The following NUP88 variants were observed in gnomAD, a reference collection of about 807,000 sequenced individuals.
NUP88 encodes the protein nuclear pore complex protein Nup88.
Under a neutral mutation model 93.9 loss-of-function variants are expected in NUP88, and 57 were observed. The ratio of observed to expected loss-of-function variants is 0.61; its 90% CI spans 0.49 to 0.76. The LOEUF is 0.76. Ranked by LOEUF, NUP88 falls within the 30% of genes least tolerant of loss-of-function variation. NUP88 has a pLI of 0.00. For missense variants in NUP88, 911 were observed against 901.0 expected (o/e 1.01, Z -0.14); for synonymous variants, 346 against 336.8 (o/e 1.03, Z -0.30).
At chr17:5,401,499 C>T (rs141622504) in intron 7 of NUP88, among the ~76,000 whole-genome samples, 77 of 152,218 alleles carry the variant, frequency 5.1e-4, no homozygotes, top group African/African-American at 1.6e-3. Flanking sequence ...TTAAATTTTC[C>T]TTTAATCTAA....
In NUP88 at chr17:5,414,028, T is replaced by C. The variant is rs765856218; in HGVS notation, c.574A>G (p.Thr192Ala). The C allele has an allele frequency of 1.6e-5, 26 of 1,613,734 alleles. No homozygotes were observed. The highest frequency in any genetic ancestry group is 1.9e-5 in the Non-Finnish European group (23 of 1,179,784). The change falls in exon 3 of 17, where the codon ACA (threonine) becomes GCA (alanine). Residue 192 changes from threonine to alanine, a missense_variant. Coordinates refer to ENST00000573584, the MANE Select transcript of NUP88 (RefSeq NM_002532.6). ...ATTTACCTGATTACGTTGTCTGATG[T>C]TAACAGCACTACGTGGGGATCCAGG... ...EILDPHVVLL[T>A]SDNVIRIYSL... is the part of the protein sequence containing the mutation.
chr17:5,414,680 A>G (rs1164996287), intron 2 of NUP88, among the ~76,000 whole-genome samples: 1 of 152,062 alleles, frequency 6.6e-6, no homozygotes, highest in Non-Finnish European at 1.5e-5. Context: ...GCACTTTGGG[A>G]GGCCAAGGCA....
At chr17:5,407,911 G>A (rs1184814713) in intron 5 of NUP88, among the ~76,000 whole-genome samples, 1 of 152,022 alleles carries the variant, frequency 6.6e-6, no homozygotes, top group Non-Finnish European at 1.5e-5. Context: ...TTCTTTAAAA[G>A]TCTCTGTCCC....
At chr17:5,398,079 G>C (rs570893615) in intron 8 of NUP88, among the ~76,000 whole-genome samples, 1 of 150,890 alleles carries the variant, frequency 6.6e-6, no homozygotes. Flanking sequence ...GCTAATTTTT[G>C]TATTTTTTTT....
intron 9 of NUP88, among the ~76,000 whole-genome samples, chr17:5,393,098 G>A (rs1044210351): frequency 6.7e-6 from 1 of 148,798 alleles, no homozygotes; most frequent in Non-Finnish European, 1.5e-5. Flanking sequence ...GATTACAGGT[G>A]CCCGCCACTA....
At chr17:5,397,168 C>G (rs527239435) in intron 8 of NUP88, among the ~76,000 whole-genome samples, 1 of 151,970 alleles carries the variant, frequency 6.6e-6, no homozygotes, top group Non-Finnish European at 1.5e-5. Flanking sequence ...GGTAAAACCC[C>G]ATCTCTACAA....
intron 5 of NUP88, among the ~76,000 whole-genome samples, chr17:5,406,769 A>AG (rs1597326497): frequency 6.6e-6 from 1 of 150,786 alleles, no homozygotes; most frequent in Non-Finnish European, 1.5e-5. Context: ...GCTTTAAAAA[A>AG]AAAAGAAAAG....
Position 5,419,357 on chromosome 17 carries a change from G to C in NUP88, c.294C>G (p.Tyr98Ter). The change falls in exon 1 of 17, where the codon TAC (tyrosine) becomes TAG (stop). Residue 98 changes from tyrosine (Y) to a stop codon, truncating the protein, a stop_gained. Coordinates refer to ENST00000573584, the MANE Select transcript of NUP88 (RefSeq NM_002532.6). LOFTEE classifies it high-confidence loss of function. ...GGGEEPALSQ[Y>*]QRLLCINPPL... ...TCCAAGATCGGCCTGGCATTACCTG[G>C]TACTGGGACAGGGCGGGCTCTTCGC... The C allele has an allele frequency of 6.3e-7, 1 of 1,584,450 alleles. No individual in the cohort carries two copies. Among genetic ancestry groups the C allele is most frequent in the Non-Finnish European group, 8.6e-7 (1 of 1,166,596 alleles).
At chr17:5,404,386 G>A (rs899775599) in intron 6 of NUP88, 140 bp from the exon 7 acceptor site, 1 of 718,594 alleles carries the variant, frequency 1.4e-6, no homozygotes, top group Middle Eastern at 3.9e-4. Flanking sequence ...GCCGAGGCAG[G>A]TGGATCATCT....
chr17:5,417,203 GTT>G (rs1219034264), intron 1 of NUP88, among the ~76,000 whole-genome samples: 1 of 152,124 alleles, frequency 6.6e-6, no homozygotes, highest in African/African-American at 2.4e-5. Context: ...CATCTCTAAG[GTT>G]TTGAGATTTT....
At chr17:5,404,302 A>T (rs1330144963) in intron 6 of NUP88, 56 bp from the exon 7 acceptor site, 2 of 1,587,816 alleles carry the variant, frequency 1.3e-6, no homozygotes, top group African/African-American at 2.7e-5. Context: ...AAATGTACAC[A>T]ATTAAAAACA....
intron 4 of NUP88, among the ~76,000 whole-genome samples, chr17:5,410,041 C>A (rs1184578817): frequency 6.6e-6 from 1 of 152,172 alleles, no homozygotes; most frequent in Non-Finnish European, 1.5e-5. Context: ...TAGGTAAAGA[C>A]TCTGGGAAAT....
At chr17:5,397,114 T>G (rs1912823187) in intron 8 of NUP88, among the ~76,000 whole-genome samples, 2 of 151,932 alleles carry the variant, frequency 1.3e-5, no homozygotes, top group Non-Finnish European at 2.9e-5. Flanking sequence ...CTGAGGTGGG[T>G]GGATCATTTG....
chr17:5,387,181 A>G (rs1481921377), intron 14 of NUP88, 71 bp from the exon 15 acceptor site: 3 of 1,533,474 alleles, frequency 2.0e-6, no homozygotes, highest in Non-Finnish European at 8.9e-7. Flanking sequence ...TCACAAGCTC[A>G]TAATTCATGA....
chr17:5,386,697 T>G lies in NUP88; in HGVS notation c.2162+11A>C, dbSNP rs1306703618. On this transcript the variant is annotated intron_variant, in intron 16 of 16. Coordinates refer to ENST00000573584, the MANE Select transcript of NUP88 (RefSeq NM_002532.6). ...TCTCACGATAATAGCTGATTGGAAG[T>G]ATTTACTTACTCCTCTTTCAGGATG... is the stretch of plus-strand genomic sequence containing the variant. The G allele has an allele frequency of 6.7e-7, 1 of 1,493,506 alleles. No individual in the cohort carries two copies. The highest frequency in any genetic ancestry group is 9.3e-7 in the Non-Finnish European group (1 of 1,070,558). The allele number at this position is 1,493,506 out of a possible 1,614,324, so 92.5% of individuals were successfully genotyped here.
intron 7 of NUP88, among the ~76,000 whole-genome samples, chr17:5,403,097 C>G (rs141670011): frequency 6.6e-6 from 1 of 152,302 alleles, no homozygotes; most frequent in Non-Finnish European, 1.5e-5. Flanking sequence ...TATCCCAGTA[C>G]TTCTGGAAGG....
In NUP88 at chr17:5,394,879, G is replaced by GA; in HGVS notation, c.1382+11dup. On this transcript the variant is annotated intron_variant, in intron 9 of 16. Transcript: ENST00000573584. ...ATTGTTTTCTGATATACAAGGGAGG[G>GA]AGAGTCCTTACCTGCAGGGCAATGG... 1 of 1,577,540 alleles carries GA rather than the reference G, an allele frequency of 6.3e-7. No homozygotes were observed. The highest frequency in any genetic ancestry group is 8.7e-7 in the Non-Finnish European group (1 of 1,146,872).
chr17:5,417,576 CG>C (rs1914227059), intron 1 of NUP88, among the ~76,000 whole-genome samples: 1 of 152,260 alleles, frequency 6.6e-6, no homozygotes, highest in Admixed American at 6.5e-5. Context: ...CCATGGCTCA[CG>C]GCTGAAATGC....
At position 5,386,771 on chromosome 17, in the gene NUP88, G is replaced by A. The variant is rs933628284; in HGVS notation, c.2099C>T (p.Pro700Leu). 3.1e-6 allele frequency: 5 copies of A among 1,613,912 alleles called. No homozygotes were observed. The highest frequency in any genetic ancestry group is 1.7e-5 in the Admixed American group (1 of 60,002). Residue 700 changes from proline (P) to leucine (L), a missense_variant, in exon 16 of 17, where the codon CCA becomes CTA. Physicochemically the swap from Pro to Leu is moderately conservative, Grantham distance 98. Transcript: ENST00000573584. ...GGCACTGAGAATAATGGTGGGTTTTGGAAGACTCAACACCTTCTCCATCTT... is the reference window on the plus strand; with the variant it reads ...GGCACTGAGAATAATGGTGGGTTTTAGAAGACTCAACACCTTCTCCATCTT... ...QQKMEKVLSLPKPTIILSAYQ... is the reference protein window; with the variant it reads ...QQKMEKVLSLLKPTIILSAYQ...
Sources: gnomAD v4.1 joint callset for allele counts (sites outside exome capture counted in the v4.1 genomes callset) on GRCh38, gnomAD v4.1.1 for gene constraint, MANE v1.5 for transcripts, NCBI Gene and HGNC (gene_info 2026-07-23, HGNC 2026-07-21) for gene names.